The following TTC7B variants were observed in gnomAD, a reference collection of about 807,000 sequenced individuals.
The protein encoded by TTC7B is tetratricopeptide repeat domain 7B.
In TTC7B, 28 loss-of-function variants were observed where a neutral mutation model predicts 106.8. The ratio of observed to expected loss-of-function variants is 0.26; its 90% confidence interval spans 0.19 to 0.36. The LOEUF is 0.36. Among genes scored for constraint, TTC7B ranks in the 10% least tolerant of loss-of-function variants. TTC7B has a pLI of 1.00. For missense variants in TTC7B, 862 were observed against 1,076.4 expected, an observed-to-expected ratio of 0.80 and a Z score of 2.79; for synonymous variants, 405 against 430.6, an observed-to-expected ratio of 0.94 and a Z score of 0.74.
intron 6 of TTC7B, among the ~76,000 whole-genome samples, chr14:90,695,031 TTTTTATTTTATTATAAAATATATTTTA>T (rs1887662168): frequency 1.8e-5 from 1 of 55,648 alleles, no homozygotes; most frequent in Admixed American, 2.2e-4. Flanking sequence ...ATATGTATAT[TTTTTATTTTATTATAAAATATATTTTA>T]TTTTATTATA....
chr14:90,550,465 C>G (rs548216275), intron 19 of TTC7B, among the ~76,000 whole-genome samples: 4 of 152,352 alleles, frequency 2.6e-5, no homozygotes, highest in African/African-American at 9.6e-5. Context: ...ACTTGGCCAA[C>G]CAGTTCCACA....
At chr14:90,591,485 T>C (rs1362333683) in intron 18 of TTC7B, among the ~76,000 whole-genome samples, 3 of 152,180 alleles carry the variant, frequency 2.0e-5, no homozygotes, top group African/African-American at 4.8e-5. Flanking sequence ...GATAACTGAA[T>C]TGGGGGCAGC....
intron 17 of TTC7B, among the ~76,000 whole-genome samples, chr14:90,607,020 ACTGGC>A (rs149778096): frequency 2.0e-3 from 308 of 152,336 alleles, no homozygotes; most frequent in Non-Finnish European, 3.5e-3. Flanking sequence ...GATATTAGGG[ACTGGC>A]CTTAAAATAC....
chr14:90,627,049 C>T (rs928715443), intron 15 of TTC7B, among the ~76,000 whole-genome samples: 3 of 151,996 alleles, frequency 2.0e-5, no homozygotes, highest in South Asian at 2.1e-4. Context: ...TGCAGTGGCT[C>T]GAGGGTCAAG....
intron 4 of TTC7B, among the ~76,000 whole-genome samples, chr14:90,744,327 T>C (rs191934955): frequency 7.2e-5 from 11 of 152,316 alleles, no homozygotes; most frequent in Admixed American, 4.6e-4. Flanking sequence ...CTTTCTTTTT[T>C]TTATGAGATG....
At chr14:90,772,331 C>G (rs1226850678) in intron 3 of TTC7B, among the ~76,000 whole-genome samples, 1 of 152,122 alleles carries the variant, frequency 6.6e-6, no homozygotes, top group South Asian at 2.1e-4. Context: ...TGAAAACAAC[C>G]TACATGTCCA....
intron 3 of TTC7B, among the ~76,000 whole-genome samples, chr14:90,771,275 C>T (rs1890854763): frequency 6.6e-6 from 1 of 151,956 alleles, no homozygotes; most frequent in African/African-American, 2.4e-5. Context: ...CTGAAATGAC[C>T]TAGATGTTTC....
At chr14:90,793,605 CT>C (rs201894326) in intron 1 of TTC7B, among the ~76,000 whole-genome samples, 6 of 105,682 alleles carry the variant, frequency 5.7e-5, no homozygotes, top group Admixed American at 2.4e-4. Context: ...TTGTTTTTTT[CT>C]TTTTTTCTTT....
chr14:90,556,660 G>A (rs1890320817), intron 19 of TTC7B, among the ~76,000 whole-genome samples: 1 of 152,220 alleles, frequency 6.6e-6, no homozygotes, highest in African/African-American at 2.4e-5. Context: ...CCTCGTGGTG[G>A]AAAGTTTAGT....
At chr14:90,573,815 G>A (rs1199341770) in intron 19 of TTC7B, among the ~76,000 whole-genome samples, 1 of 152,206 alleles carries the variant, frequency 6.6e-6, no homozygotes, top group African/African-American at 2.4e-5. Context: ...AGGCGGACCC[G>A]AGCCTCCTGC....
chr14:90,779,837 C>T (rs1400401579), intron 3 of TTC7B, among the ~76,000 whole-genome samples: 3 of 152,206 alleles, frequency 2.0e-5, no homozygotes, highest in Non-Finnish European at 4.4e-5. Context: ...GTGCAAACTG[C>T]TTCATGGCAG....
At chr14:90,591,247 A>T (rs1431083716) in intron 18 of TTC7B, among the ~76,000 whole-genome samples, 1 of 152,190 alleles carries the variant, frequency 6.6e-6, no homozygotes, top group Non-Finnish European at 1.5e-5. Flanking sequence ...AGGCTGAGGC[A>T]GGAGAATTGC....
intron 10 of TTC7B, chr14:90,658,061 C>T: frequency 1.9e-6 from 1 of 518,996 alleles, no homozygotes. Flanking sequence ...TCCATGACAC[C>T]TGATGAAGTC....
At chr14:90,664,117 C>A (rs894064150) in intron 9 of TTC7B, among the ~76,000 whole-genome samples, 1 of 152,170 alleles carries the variant, frequency 6.6e-6, no homozygotes, top group Non-Finnish European at 1.5e-5. Context: ...CCACAACCGT[C>A]GCCCCTTAGG....
intron 15 of TTC7B, among the ~76,000 whole-genome samples, chr14:90,640,897 C>T (rs1723711271): frequency 6.6e-6 from 1 of 152,182 alleles, no homozygotes; most frequent in African/African-American, 2.4e-5. Flanking sequence ...GAGTCCTAAA[C>T]TCAACTTGTC....
intron 19 of TTC7B, among the ~76,000 whole-genome samples, chr14:90,561,922 C>T (rs1015513902): frequency 6.6e-6 from 1 of 152,220 alleles, no homozygotes; most frequent in Admixed American, 6.5e-5. Context: ...GTATGAACAT[C>T]AGAACCTACC....
At chr14:90,547,241 T>C (rs1191651396) in intron 19 of TTC7B, among the ~76,000 whole-genome samples, 1 of 152,252 alleles carries the variant, frequency 6.6e-6, no homozygotes, top group Non-Finnish European at 1.5e-5. Context: ...ATGCACCAAA[T>C]TGGCAATAAG....
chr14:90,754,863 A>G (rs1352837669), intron 3 of TTC7B, among the ~76,000 whole-genome samples: 1 of 152,212 alleles, frequency 6.6e-6, no homozygotes, highest in African/African-American at 2.4e-5. Flanking sequence ...TCTTTGACTT[A>G]GCATAATGTT....
chr14:90,576,731 G>A (rs1013025578), intron 19 of TTC7B, among the ~76,000 whole-genome samples: 8 of 152,160 alleles, frequency 5.3e-5, no homozygotes, highest in African/African-American at 1.9e-4. Context: ...TCTTTCCATG[G>A]GGCCTAATTC....
Sources: gnomAD v4.1 joint callset for allele counts (sites outside exome capture counted in the v4.1 genomes callset) on GRCh38, gnomAD v4.1.1 for gene constraint, MANE v1.5 for transcripts, NCBI Gene and HGNC (gene_info 2026-07-23, HGNC 2026-07-21) for gene names.